TRPC1: variants seen among roughly 807,000 people sequenced by gnomAD.
The protein encoded by TRPC1 is transient receptor potential cation channel subfamily C member 1.
TRPC1 carries 42 observed loss-of-function variants against 88.2 expected under a neutral mutation model. The ratio of observed to expected loss-of-function variants is 0.48; its 90% confidence interval spans 0.37 to 0.62. The LOEUF (loss-of-function observed/expected upper bound fraction) is 0.62. Ranked by LOEUF, TRPC1 falls within the 20% of genes least tolerant of loss-of-function variation. TRPC1 has a pLI of 0.00. For synonymous variants in TRPC1, 288 were observed against 331.8 expected (o/e 0.87, Z 1.43); for missense variants, 699 against 957.3 (o/e 0.73, Z 3.56).
chr3:142,735,535 C>A (rs1259509757), intron 1 of TRPC1, among the ~76,000 whole-genome samples: 1 of 152,052 alleles, frequency 6.6e-6, no homozygotes, highest in African/African-American at 2.4e-5. Flanking sequence ...TGATTTATTC[C>A]CCATATTCCT....
rs1933603549 is a variant in TRPC1, at chr3:142,724,827, C to G, written c.172+96C>G. ...ACTTATATCGGGGCATTCCCTCTGT[C>G]TCAGGCGCCGAGTGTCTTCCCGCCT... On this transcript the variant is annotated intron_variant, in intron 1 of 12. Coordinates refer to ENST00000476941, the MANE Select transcript of TRPC1 (RefSeq NM_001251845.2). The surrounding 1 kb of genome is among the most constrained non-coding windows in gnomAD (Gnocchi z 5.6). 12 of 1,367,950 alleles carry G rather than the reference C, an allele frequency of 8.8e-6. No individual in the cohort carries two copies. In the South Asian group the frequency reaches 1.8e-4, roughly 21 times the overall value. 84.7% of individuals were successfully genotyped at this position (1,367,950 alleles called of 1,614,324 possible).
intron 1 of TRPC1, among the ~76,000 whole-genome samples, chr3:142,730,756 T>G (rs962242988): frequency 1.3e-5 from 2 of 152,172 alleles, no homozygotes; most frequent in Non-Finnish European, 2.9e-5. Flanking sequence ...ATCATTCTTT[T>G]TCCTCTTAAT....
intron 4 of TRPC1, among the ~76,000 whole-genome samples, chr3:142,774,305 T>C (rs1240166021): frequency 6.6e-6 from 1 of 152,216 alleles, no homozygotes; most frequent in African/African-American, 2.4e-5. Flanking sequence ...GTGGAGAACT[T>C]ATGTGAATCC....
chr3:142,745,905 G>A (rs751970401), intron 3 of TRPC1, among the ~76,000 whole-genome samples: 1 of 151,758 alleles, frequency 6.6e-6, no homozygotes, highest in Non-Finnish European at 1.5e-5. Context: ...TTACAGGCAC[G>A]TCCCACCATG....
At chr3:142,785,119 T>C in intron 7 of TRPC1, 79 bp downstream of exon 7, 1 of 1,333,802 alleles carries the variant, frequency 7.5e-7, no homozygotes, top group Non-Finnish European at 1.0e-6. Context: ...ATTGTGAATA[T>C]TGGGTTCAAT....
chr3:142,804,543 G>GGAGAT lies in TRPC1; in HGVS notation c.2067_2068insGAGAT (p.Thr690GlufsTer7). ...CTTTCAACATCATTCCCTCACCAAA[G>GGAGAT]ACTATCTGCTATATGATTAGTAGCC... is the stretch of plus-strand genomic sequence containing the variant. On this transcript the variant is annotated frameshift_variant, in exon 12 of 13. Coordinates refer to ENST00000476941, the MANE Select transcript of TRPC1 (RefSeq NM_001251845.2). LOFTEE classifies it high-confidence loss of function. 6.2e-7 allele frequency: 1 copy of GGAGAT among 1,613,590 alleles called. No homozygotes were observed. Among genetic ancestry groups the GGAGAT allele is most frequent in the Non-Finnish European group, 8.5e-7 (1 of 1,179,752 alleles).
chr3:142,799,091 AAT>A (rs1387877330), intron 9 of TRPC1, among the ~76,000 whole-genome samples: 3 of 152,136 alleles, frequency 2.0e-5, no homozygotes, highest in African/African-American at 7.2e-5. Flanking sequence ...GCAGTATAAA[AAT>A]AGTTTCACTA....
At chr3:142,729,223 A>T (rs1304426520) in intron 1 of TRPC1, among the ~76,000 whole-genome samples, 1 of 152,222 alleles carries the variant, frequency 6.6e-6, no homozygotes, top group Non-Finnish European at 1.5e-5. Context: ...TGGTAGTTCT[A>T]TGATACTGGT....
chr3:142,751,095 T>C (rs564411429), intron 4 of TRPC1, among the ~76,000 whole-genome samples: 124 of 152,348 alleles, frequency 8.1e-4, no homozygotes, highest in Non-Finnish European at 1.4e-3. Context: ...AAAAAATTAC[T>C]GTGAGCTAGG....
chr3:142,771,411 A>G (rs543392210), intron 4 of TRPC1, among the ~76,000 whole-genome samples: 38 of 152,194 alleles, frequency 2.5e-4, no homozygotes, highest in African/African-American at 7.5e-4. Flanking sequence ...CCTGGACTCA[A>G]GCAGTCCCCC....
At chr3:142,775,983 C>T (rs962977221) in intron 4 of TRPC1, among the ~76,000 whole-genome samples, 2 of 152,062 alleles carry the variant, frequency 1.3e-5, no homozygotes, top group Non-Finnish European at 2.9e-5. Context: ...TGAAAGTACA[C>T]AAAAGATATG....
chr3:142,740,587 TAA>T (rs372464001), intron 2 of TRPC1, among the ~76,000 whole-genome samples: 263 of 152,346 alleles, frequency 1.7e-3, no homozygotes, highest in African/African-American at 5.6e-3. Flanking sequence ...AGAGTTTCAT[TAA>T]AGACCAAATG....
rs530739932 is a variant in TRPC1, at chr3:142,802,932, A to C, written c.1757+588A>C. 2.0e-5 allele frequency among the ~76,000 whole-genome samples: 3 copies of C among 152,284 alleles called. No homozygotes were observed. In the South Asian group the frequency reaches 6.2e-4, roughly 32 times the overall value. On this transcript the variant is annotated intron_variant, in intron 10 of 12. Coordinates refer to ENST00000476941, the MANE Select transcript of TRPC1 (RefSeq NM_001251845.2). ...TCTTATTATGTGTCAACTATTCTTT[A>C]GTTATTTTGTGTGTCATCTTATGTA...
At chr3:142,799,498 C>A (rs1264268790) in intron 9 of TRPC1, among the ~76,000 whole-genome samples, 1 of 152,032 alleles carries the variant, frequency 6.6e-6, no homozygotes, top group Non-Finnish European at 1.5e-5. Context: ...GTATTAAGAA[C>A]CAATACCATG....
chr3:142,776,030 C>A lies in TRPC1; in HGVS notation c.633-1602C>A, dbSNP rs1364989385. Among the ~76,000 whole-genome samples the A allele has an allele frequency of 1.3e-5, 2 of 152,008 alleles. No individual in the cohort carries two copies. Among genetic ancestry groups the A allele is most frequent in the African/African-American group, 4.8e-5 (2 of 41,390 alleles). On this transcript the variant is annotated intron_variant, in intron 4 of 12. Coordinates refer to ENST00000476941, the MANE Select transcript of TRPC1 (RefSeq NM_001251845.2). This position sits in a 1 kb window ranked among gnomAD's most constrained non-coding sequence, Gnocchi z 4.1. Reference sequence around the variant, plus strand: ...ATATTCATTGCTGCATTTTTTATAGCAGAAAAAAATTAGAAGCCACCTAAA... The same window carrying A: ...ATATTCATTGCTGCATTTTTTATAGAAGAAAAAAATTAGAAGCCACCTAAA...
At position 142,807,543 on chromosome 3, in the gene TRPC1, A is replaced by C. The variant is rs927616373; in HGVS notation, c.*1308A>C. ...TGCAGGTAACCCTTGGTCTGTAAGC[A>C]CCACCGATCCAGGGATCATTGTCTA... On this transcript the variant is annotated 3_prime_UTR_variant, in exon 13 of 13. Transcript: ENST00000476941. The C allele has an allele frequency of 2.6e-5, 4 of 152,326 alleles. No individual in the cohort carries two copies. Among genetic ancestry groups the C allele is most frequent in the African/African-American group, 9.6e-5 (4 of 41,580 alleles). 9.4% of individuals were successfully genotyped at this position (152,326 alleles called of 1,614,324 possible).
intron 7 of TRPC1, among the ~76,000 whole-genome samples, chr3:142,788,328 A>G (rs1936194070): frequency 7.0e-6 from 1 of 143,518 alleles, no homozygotes; most frequent in Non-Finnish European, 1.5e-5. Flanking sequence ...AGAGAAAGAG[A>G]GAAGGGAACA....
intron 1 of TRPC1, among the ~76,000 whole-genome samples, chr3:142,731,166 T>G (rs1933888134): frequency 1.3e-5 from 2 of 152,106 alleles, no homozygotes; most frequent in African/African-American, 4.8e-5. Context: ...AAATTGATTT[T>G]ATGACTGTTA....
At chr3:142,804,731 ACTGT>A (rs1174061115) in intron 12 of TRPC1, 101 bp downstream of exon 12, 46 of 1,139,312 alleles carry the variant, frequency 4.0e-5, no homozygotes, top group Non-Finnish European at 5.2e-5. Flanking sequence ...AAGGGCTGTG[ACTGT>A]CTGACTTTTT....
Sources: gnomAD v4.1 joint callset for allele counts (sites outside exome capture counted in the v4.1 genomes callset) on GRCh38, gnomAD v4.1.1 for gene constraint, Gnocchi (gnomAD v3.1) non-coding constraint, MANE v1.5 for transcripts, NCBI Gene and HGNC (gene_info 2026-07-23, HGNC 2026-07-21) for gene names.